Variants in ARID4B observed in about 807,000 individuals in gnomAD.
ARID4B encodes AT-rich interactive domain-containing protein 4B.
A neutral mutation model predicts 147.5 loss-of-function variants in ARID4B; 26 were observed. That is an observed-to-expected ratio of 0.18 (90% CI 0.13 to 0.24). ARID4B has a LOEUF of 0.24. Ranked by LOEUF, ARID4B falls within the 10% of genes least tolerant of loss-of-function variation. The pLI, the probability that ARID4B is intolerant of heterozygous loss-of-function variation, is 1.00. For missense variants in ARID4B, 1,179 were observed against 1,511.5 expected (o/e 0.78, Z 3.65); for synonymous variants, 512 against 507.9 (o/e 1.01, Z -0.11).
chr1:235,267,900 CA>C (rs538423438), intron 2 of ARID4B, among the ~76,000 whole-genome samples: 39 of 129,728 alleles, frequency 3.0e-4, no homozygotes, highest in South Asian at 2.5e-4. Flanking sequence ...GACTACGTCT[CA>C]AAAAAAAAAA....
intron 17 of ARID4B, among the ~76,000 whole-genome samples, chr1:235,199,619 G>A (rs750730455): frequency 1.9e-4 from 29 of 152,298 alleles, no homozygotes; most frequent in Non-Finnish European, 3.7e-4. Context: ...ACGGTAGGGG[G>A]CATTCCAGGC....
intron 8 of ARID4B, among the ~76,000 whole-genome samples, chr1:235,236,854 A>ATG (rs1454250770): frequency 2.6e-5 from 1 of 38,016 alleles, no homozygotes; most frequent in African/African-American, 8.4e-5. Flanking sequence ...ATATATATAT[A>ATG]TATATATATT....
Position 235,194,153 on chromosome 1 carries a change from A to G in ARID4B, c.1985T>C (p.Leu662Pro). The G allele has an allele frequency of 6.2e-7, 1 of 1,613,488 alleles. No homozygotes were observed. Among genetic ancestry groups the G allele is most frequent in the Admixed American group, 1.7e-5 (1 of 60,018 alleles). ...AAATGGTGGTTTGGACAAGCGCCGAAGTTTACAGTTTTTTGGAGAGTATTT... is the reference window on the plus strand; with the variant it reads ...AAATGGTGGTTTGGACAAGCGCCGAGGTTTACAGTTTTTTGGAGAGTATTT... ...DEKYSPKNCK[L>P]RRLSKPPFQT... Residue 662 changes from leucine (L) to proline (P), a missense_variant, in exon 19 of 24, where the codon CTT becomes CCT. Coordinates refer to ENST00000264183, the MANE Select transcript of ARID4B (RefSeq NM_016374.6).
At chr1:235,317,547 T>C (rs1674525988) in intron 2 of ARID4B, among the ~76,000 whole-genome samples, 1 of 152,232 alleles carries the variant, frequency 6.6e-6, no homozygotes, top group Non-Finnish European at 1.5e-5. Flanking sequence ...ATGAAGATAG[T>C]TTGTCTATGC....
intron 9 of ARID4B, among the ~76,000 whole-genome samples, chr1:235,233,595 A>G (rs1668375854): frequency 6.6e-6 from 1 of 152,242 alleles, no homozygotes; most frequent in Non-Finnish European, 1.5e-5. Context: ...TATAATTCTT[A>G]AAGAAAAATT....
chr1:235,301,185 C>A (rs114382931), intron 2 of ARID4B, among the ~76,000 whole-genome samples: 36 of 151,466 alleles, frequency 2.4e-4, no homozygotes, highest in African/African-American at 8.2e-4. Context: ...CACACCCAGG[C>A]GAATCTACTT....
chr1:235,206,923 T>C (rs1014123724), intron 17 of ARID4B, among the ~76,000 whole-genome samples: 5 of 152,262 alleles, frequency 3.3e-5, no homozygotes, highest in Admixed American at 2.6e-4. Flanking sequence ...CAGAAAAGAT[T>C]TTCCTTGAGA....
At chr1:235,185,177 C>A (rs1039145889) in intron 19 of ARID4B, among the ~76,000 whole-genome samples, 3 of 152,078 alleles carry the variant, frequency 2.0e-5, no homozygotes, top group African/African-American at 7.2e-5. Flanking sequence ...TTATCAACAC[C>A]CATATCTCCC....
intron 19 of ARID4B, among the ~76,000 whole-genome samples, chr1:235,184,324 A>G (rs1664523760): frequency 6.6e-6 from 1 of 152,102 alleles, no homozygotes; most frequent in African/African-American, 2.4e-5. Flanking sequence ...CATCTCATTC[A>G]ATCCTCAGAA....
chr1:235,235,065 T>C (rs924750931), intron 8 of ARID4B, among the ~76,000 whole-genome samples: 3 of 152,092 alleles, frequency 2.0e-5, no homozygotes, highest in East Asian at 1.9e-4. Flanking sequence ...GGATGTAAAG[T>C]GGTGGCAATG....
In ARID4B at chr1:235,182,052, G is replaced by A. The variant is rs752314679; in HGVS notation, c.2867C>T (p.Pro956Leu). Reference protein sequence around the residue: ...DSDTEAAASPPHPAPEEGVAE... With the variant: ...DSDTEAAASPLHPAPEEGVAE... ...CACCCCCTCCTCTGGGGCAGGATGC[G>A]GTGGGGAAGCTGCAGCCTCAGTATC... The change falls in exon 20 of 24, where the codon CCG (proline) becomes CTG (leucine). Residue 956 changes from proline to leucine, a missense_variant. By Grantham distance (98) the Pro-to-Leu change is moderately conservative (BLOSUM62 -3). Around this residue, in one of 10 missense-constraint regions of ARID4B, gnomAD observed 357 missense variants for 427.3 expected, o/e 0.84. Coordinates refer to ENST00000264183, the MANE Select transcript of ARID4B (RefSeq NM_016374.6). 16 of 1,613,996 alleles carry A rather than the reference G, an allele frequency of 9.9e-6. No individual in the cohort carries two copies. Among genetic ancestry groups the A allele is most frequent in the East Asian group, 2.2e-5 (1 of 44,892 alleles).
chr1:235,234,448 G>A lies in ARID4B; in HGVS notation c.630C>T (p.Asp210=). The change falls in exon 9 of 24, where the codon GAC becomes GAT. Residue 210 remains aspartate, a synonymous_variant. Transcript: ENST00000264183. ...DCSDEIAVKK[D]NILVRSFKDG... is the part of the protein sequence containing the mutation. The stretch of plus-strand genomic sequence containing the variant: ...CTTTGAAAGATCGAACAAGAATATT[G>A]TCCTTTTTTACAGCAATCTCATCAC... 6.2e-7 allele frequency: 1 copy of A among 1,607,424 alleles called. No homozygotes were observed. The highest frequency in any genetic ancestry group is 8.5e-7 in the Non-Finnish European group (1 of 1,175,516).
intron 16 of ARID4B, 52 bp downstream of exon 16, chr1:235,219,741 G>C: frequency 7.1e-7 from 1 of 1,402,486 alleles, no homozygotes; most frequent in Non-Finnish European, 9.8e-7. Context: ...AAGAGCAAAT[G>C]ATAAGAATCC....
At chr1:235,218,767 A>G (rs1340306668) in intron 16 of ARID4B, among the ~76,000 whole-genome samples, 1 of 152,182 alleles carries the variant, frequency 6.6e-6, no homozygotes, top group Admixed American at 6.5e-5. Context: ...AACAAAGTAT[A>G]ATAAACATTT....
chr1:235,219,329 A>C (rs1172792934), intron 16 of ARID4B, among the ~76,000 whole-genome samples: 1 of 152,252 alleles, frequency 6.6e-6, no homozygotes, highest in Non-Finnish European at 1.5e-5. Flanking sequence ...ATAATTCATC[A>C]TTCCAAGTGA....
intron 17 of ARID4B, among the ~76,000 whole-genome samples, chr1:235,198,761 G>C (rs912228087): frequency 2.6e-5 from 4 of 152,214 alleles, no homozygotes; most frequent in African/African-American, 9.6e-5. Flanking sequence ...ATACATAGTT[G>C]TAATTAACAG....
At position 235,301,485 on chromosome 1, in the gene ARID4B, GCTGTGATCACACCA is replaced by G. The variant is rs1673134628; in HGVS notation, c.6+25415_6+25428del. Among the ~76,000 whole-genome samples, 7 of 151,266 alleles carry G rather than the reference GCTGTGATCACACCA, an allele frequency of 4.6e-5. No individual in the cohort carries two copies. In the South Asian group the frequency reaches 1.0e-3, roughly 23 times the overall value. ...GCCTAGAAAGTCAAGGTTGCAGTGAGCTGTGATCACACCACTGTACTCCAGCCGGTGAGAGTGAG... is the reference window on the plus strand; with the variant it reads ...GCCTAGAAAGTCAAGGTTGCAGTGAGCTGTACTCCAGCCGGTGAGAGTGAG... On this transcript the variant is annotated intron_variant, in intron 2 of 23. Coordinates refer to ENST00000264183, the MANE Select transcript of ARID4B (RefSeq NM_016374.6).
intron 23 of ARID4B, among the ~76,000 whole-genome samples, chr1:235,168,959 C>G (rs1663126932): frequency 2.0e-5 from 3 of 152,168 alleles, no homozygotes; most frequent in Non-Finnish European, 2.9e-5. Context: ...ACAGAATACA[C>G]TTTTTGTAAC....
chr1:235,278,286 A>G (rs554485095), intron 2 of ARID4B, among the ~76,000 whole-genome samples: 1 of 152,326 alleles, frequency 6.6e-6, no homozygotes, highest in East Asian at 1.9e-4. Context: ...GCACATGCAA[A>G]CATTTTCAGA....
Sources: allele counts gnomAD v4.1 joint callset (sites outside exome capture counted in the v4.1 genomes callset), GRCh38; gene constraint gnomAD v4.1.1; regional missense constraint gnomAD v4.1.1; transcripts MANE v1.5; gene names NCBI Gene and HGNC (gene_info 2026-07-23, HGNC 2026-07-21).